Variants in ZBTB46 observed in about 807,000 individuals in gnomAD.
The protein encoded by ZBTB46 is zinc finger and BTB domain-containing protein 46.
ZBTB46 carries 8 observed loss-of-function variants against 44.1 expected under a neutral mutation model. The ratio of observed to expected loss-of-function variants is 0.18; its 90% confidence interval spans 0.11 to 0.33. The LOEUF (loss-of-function observed/expected upper bound fraction) is 0.33. Ranked by LOEUF, ZBTB46 falls within the 10% of genes least tolerant of loss-of-function variation. The pLI is 1.00. For missense variants in ZBTB46, 651 were observed against 847.7 expected, an observed-to-expected ratio of 0.77 and a Z score of 2.88; for synonymous variants, 409 against 382.3, an observed-to-expected ratio of 1.07 and a Z score of -0.81.
At chr20:63,818,188 G>C (rs372898743) in intron 1 of ZBTB46, among the ~76,000 whole-genome samples, 1 of 152,228 alleles carries the variant, frequency 6.6e-6, no homozygotes, top group African/African-American at 2.4e-5. Flanking sequence ...GGACAAGGGC[G>C]CTGGGGTGAG....
At chr20:63,804,664 CAGGT>C (rs1267878381) in intron 1 of ZBTB46, among the ~76,000 whole-genome samples, 6 of 152,078 alleles carry the variant, frequency 3.9e-5, no homozygotes, top group Non-Finnish European at 8.8e-5. Flanking sequence ...GAGGCCAAGG[CAGGT>C]GGATCACCAG....
chr20:63,810,917 C>G (rs1231504130), intron 1 of ZBTB46, among the ~76,000 whole-genome samples: 1 of 152,222 alleles, frequency 6.6e-6, no homozygotes, highest in Admixed American at 6.5e-5. Flanking sequence ...GCTCCAGCAG[C>G]AGAGCCGGAG....
At chr20:63,753,004 G>A (rs1568829946) in intron 3 of ZBTB46, 143 bp from the exon 4 acceptor site, 2 of 834,428 alleles carry the variant, frequency 2.4e-6, no homozygotes, top group East Asian at 5.8e-5. Flanking sequence ...TCAGCACTGC[G>A]ACAGGCCAGG....
Position 63,805,966 on chromosome 20 carries a change from G to A in ZBTB46, c.-33-15176C>T, listed in dbSNP as rs2092678796. ...TTTTTTGTATTTTTAGTACAGACAG[G>A]GTTTCACCATGTTGGCCAGGTTGGT... On this transcript the variant is annotated intron_variant, in intron 1 of 4. Transcript: ENST00000245663. 2.0e-5 allele frequency among the ~76,000 whole-genome samples: 3 copies of A among 151,502 alleles called. No homozygotes were observed. The South Asian group carries it at 6.2e-4, about 32-fold the overall frequency.
At position 63,745,338 on chromosome 20, in the gene ZBTB46, T is replaced by C. The variant is rs1190776921; in HGVS notation, c.*1592A>G. 1.3e-5 allele frequency: 2 copies of C among 152,244 alleles called. No homozygotes were observed. Among genetic ancestry groups the C allele is most frequent in the Non-Finnish European group, 2.9e-5 (2 of 68,050 alleles). 9.4% of individuals were successfully genotyped at this position (152,244 alleles called of 1,614,324 possible). On this transcript the variant is annotated 3_prime_UTR_variant, in exon 5 of 5. Transcript: ENST00000245663. ...TGTCATTGGTAGAACCGGGGGCCAA[T>C]GTCAAAAAACAAAAGCCGTGACTCC...
At chr20:63,747,574 T>TG (rs1325631253) in intron 4 of ZBTB46, among the ~76,000 whole-genome samples, 26 of 17,242 alleles carry the variant, frequency 1.5e-3, no homozygotes, top group Admixed American at 3.3e-3. Context: ...CGGTTGGGGT[T>TG]GGGGGGGCAC....
At chr20:63,821,274 G>A (rs867170489) in intron 1 of ZBTB46, among the ~76,000 whole-genome samples, 1 of 150,360 alleles carries the variant, frequency 6.7e-6, no homozygotes, top group Non-Finnish European at 1.5e-5. Context: ...AGCCTCCAAA[G>A]TGCTGGGATT....
At position 63,797,422 on chromosome 20, in the gene ZBTB46, T is replaced by C. The variant is rs534428528; in HGVS notation, c.-33-6632A>G. On this transcript the variant is annotated intron_variant, in intron 1 of 4. Transcript: ENST00000245663. ...TATCATTGATGGATGTTTGGGTTGG[T>C]TCCAAGTCTTTACTATCGTGAATAG... Among the ~76,000 whole-genome samples the C allele has an allele frequency of 2.0e-5, 3 of 152,302 alleles. No individual in the cohort carries two copies. In the South Asian group the frequency reaches 6.2e-4, roughly 32 times the overall value.
intron 1 of ZBTB46, among the ~76,000 whole-genome samples, chr20:63,800,782 G>T (rs909590553): frequency 9.9e-5 from 15 of 152,230 alleles, no homozygotes; most frequent in African/African-American, 3.4e-4. Context: ...CTCAGGGCAG[G>T]GCTTGGGACC....
At chr20:63,780,540 T>C (rs2092460615) in intron 2 of ZBTB46, among the ~76,000 whole-genome samples, 1 of 152,000 alleles carries the variant, frequency 6.6e-6, no homozygotes, top group Non-Finnish European at 1.5e-5. Flanking sequence ...CGGTGGCTCA[T>C]GCCTGTAATC....
At position 63,746,691 on chromosome 20, in the gene ZBTB46, T is replaced by A; in HGVS notation, c.*239A>T. ...ACTTAGGACCGTGCTCTCCCTTCAC[T>A]CAAACCCACCCTGTGCCCTCCCCCA... On this transcript the variant is annotated 3_prime_UTR_variant, in exon 5 of 5. Coordinates refer to ENST00000245663, the MANE Select transcript of ZBTB46 (RefSeq NM_001369741.1). The A allele has an allele frequency of 1.7e-6, 1 of 571,674 alleles. No individual in the cohort carries two copies. The highest frequency in any genetic ancestry group is 3.6e-5 in the South Asian group (1 of 27,872). The allele number at this position is 571,674 out of a possible 1,614,324, so 35.4% of individuals were successfully genotyped here.
At chr20:63,762,688 C>A (rs2315650) in intron 3 of ZBTB46, among the ~76,000 whole-genome samples, 71,635 of 146,328 alleles carry the variant, frequency 0.49, 17,771 homozygotes, top group African/African-American at 0.6. Context: ...AAAAAAAAAA[C>A]CAACTGAGCT....
At chr20:63,772,884 G>A (rs2092388488) in intron 3 of ZBTB46, among the ~76,000 whole-genome samples, 1 of 152,274 alleles carries the variant, frequency 6.6e-6, no homozygotes, top group South Asian at 2.1e-4. Context: ...ACCACTCAAG[G>A]TCCCAGCCTC....
At chr20:63,762,799 G>C (rs939687286) in intron 3 of ZBTB46, among the ~76,000 whole-genome samples, 5 of 152,106 alleles carry the variant, frequency 3.3e-5, no homozygotes, top group African/African-American at 1.2e-4. Flanking sequence ...AGTTTACTTT[G>C]ATATTAAGAT....
rs1349866433 is a variant in ZBTB46, at chr20:63,790,414, G to A, written c.344C>T (p.Thr115Met). The A allele has an allele frequency of 2.5e-6, 4 of 1,612,836 alleles. No homozygotes were observed. The highest frequency in any genetic ancestry group is 1.7e-5 in the Admixed American group (1 of 59,992). The change falls in exon 2 of 5, where the codon ACG (threonine) becomes ATG (methionine). Residue 115 changes from threonine to methionine, a missense_variant. Thr to Met is a moderately conservative substitution (Grantham distance 81, BLOSUM62 -1). Coordinates refer to ENST00000245663, the MANE Select transcript of ZBTB46 (RefSeq NM_001369741.1). ...GTCGTGGCAGGCTTGCACGATGTCCGTCATCTGCAGGAAGCTGGCGGCTGA... is the reference window on the plus strand; with the variant it reads ...GTCGTGGCAGGCTTGCACGATGTCCATCATCTGCAGGAAGCTGGCGGCTGA... ...VMSAASFLQM[T>M]DIVQACHDFI...
chr20:63,824,062 G>A (rs2092807379), intron 1 of ZBTB46, among the ~76,000 whole-genome samples: 3 of 152,102 alleles, frequency 2.0e-5, no homozygotes, highest in African/African-American at 7.2e-5. Flanking sequence ...CTCAGGGCAG[G>A]GTCGCTGGCC....
At chr20:63,813,274 C>A (rs2092728064) in intron 1 of ZBTB46, among the ~76,000 whole-genome samples, 1 of 151,440 alleles carries the variant, frequency 6.6e-6, no homozygotes, top group South Asian at 2.1e-4. Context: ...CATGGTGAAA[C>A]CTCGTCTCTA....
Position 63,747,301 on chromosome 20 carries a change from C to T in ZBTB46, c.1399G>A (p.Val467Ile). 1 of 1,360,444 alleles carries T rather than the reference C, an allele frequency of 7.4e-7. No individual in the cohort carries two copies. Among genetic ancestry groups the T allele is most frequent in the Non-Finnish European group, 9.5e-7 (1 of 1,049,334 alleles). The allele number at this position is 1,360,444 out of a possible 1,614,324, so 84.3% of individuals were successfully genotyped here. Reference protein sequence around the residue: ...RREHMKRHTLVHSKDKKYVCK... With the variant: ...RREHMKRHTLIHSKDKKYVCK... ...ACATACTTCTTGTCCTTGCTGTGGA[C>T]CTGCAGAGGCAGGGCAGGGGGTGAG... The change falls in exon 5 of 5, where the codon GTC (valine) becomes ATC (isoleucine). Residue 467 changes from valine (V) to isoleucine (I), a missense_variant and splice_region_variant. Val to Ile is a conservative substitution (Grantham distance 29, BLOSUM62 3). Around this residue, in one of 5 missense-constraint regions of ZBTB46, gnomAD observed 75 missense variants for 107.8 expected, o/e 0.70. Transcript: ENST00000245663.
upstream of ZBTB46, among the ~76,000 whole-genome samples, chr20:63,832,262 GCGGCCC>G (rs1291148879): frequency 6.6e-6 from 1 of 152,186 alleles, no homozygotes; most frequent in Non-Finnish European, 1.5e-5. The surrounding 1 kb of genome is among the most constrained non-coding windows in gnomAD (Gnocchi z 5.0). Context: ...AGTGGGAAGC[GCGGCCC>G]CGCATTCCTG....
Sources: gnomAD v4.1 joint callset for allele counts (sites outside exome capture counted in the v4.1 genomes callset) on GRCh38, gnomAD v4.1.1 for gene constraint, gnomAD v4.1.1 regional missense constraint, Gnocchi (gnomAD v3.1) non-coding constraint, MANE v1.5 for transcripts, NCBI Gene and HGNC (gene_info 2026-07-23, HGNC 2026-07-21) for gene names.